Variants in MYO15A observed in about 807,000 individuals in gnomAD.
MYO15A encodes the protein myosin XVA.
A neutral mutation model predicts 394.6 loss-of-function variants in MYO15A; 308 were observed. The observed-to-expected ratio is 0.78, with a 90% CI of 0.71 to 0.86. The LOEUF is 0.86. MYO15A is among the 40% of genes least tolerant of loss of function. The probability of loss-of-function intolerance (pLI) is 0.00; values close to 1 mark genes in which losing one functional copy is unlikely to be tolerated. For missense variants in MYO15A, 4,606 were observed against 4,799.1 expected (o/e 0.96, Z 1.19); for synonymous variants, 1,957 against 2,003.8 (o/e 0.98, Z 0.62).
chr17:18,127,827 A>T (rs1239739922), intron 7 of MYO15A, among the ~76,000 whole-genome samples: 2 of 94,120 alleles, frequency 2.1e-5, no homozygotes, highest in African/African-American at 8.0e-5. Flanking sequence ...GTGGGAAGAA[A>T]AAAAAAGATA....
chr17:18,124,935 G>A, intron 3 of MYO15A: 4 of 607,436 alleles, frequency 6.6e-6, no homozygotes, highest in East Asian at 5.5e-5. Flanking sequence ...ACGTAAGAGT[G>A]TCCCCCAAAC....
At chr17:18,116,196 C>T (rs854815) in intron 1 of MYO15A, among the ~76,000 whole-genome samples, 1 of 152,106 alleles carries the variant, frequency 6.6e-6, no homozygotes, top group Admixed American at 6.5e-5. Context: ...ACTGGAGAGG[C>T]CTTGGTGCCT....
Position 18,135,742 on chromosome 17 carries a change from G to C in MYO15A, c.4514G>C (p.Ser1505Thr). 6.2e-7 allele frequency: 1 copy of C among 1,614,206 alleles called. No homozygotes were observed. Among genetic ancestry groups the C allele is most frequent in the Non-Finnish European group, 8.5e-7 (1 of 1,180,034 alleles). The stretch of plus-strand genomic sequence containing the variant: ...GCACAGGAGGTGGCCTCAGTGGTGA[G>C]TGCCCGAGAGATCCAGGCCGTGGCA... ...TDAQEVASVVSAREIQAVAEL... is the reference protein window; with the variant it reads ...TDAQEVASVVTAREIQAVAEL... Residue 1505 changes from serine to threonine, a missense_variant, in exon 13 of 66, where the codon AGT (serine) becomes ACT (threonine). Transcript: ENST00000647165.
chr17:18,159,563 C>G, intron 54 of MYO15A, 43 bp from the exon 55 acceptor site: 2 of 1,606,808 alleles, frequency 1.2e-6, no homozygotes, highest in Non-Finnish European at 1.7e-6. Flanking sequence ...GGGTGGGCAA[C>G]TGGGGGTTTG....
At chr17:18,142,669 G>C in intron 24 of MYO15A, 87 bp from the exon 25 acceptor site, 4 of 1,177,188 alleles carry the variant, frequency 3.4e-6, no homozygotes, top group Non-Finnish European at 3.8e-6. Context: ...CTGGCTCCCA[G>C]GCCAGGCTGG....
In MYO15A at chr17:18,120,472, G is replaced by A. The variant is rs761888570; in HGVS notation, c.1672G>A (p.Gly558Ser). The change falls in exon 2 of 66, where the codon GGC (glycine) becomes AGC (serine). Residue 558 changes from glycine to serine, a missense_variant. This residue lies in a region of MYO15A where 1,830 missense variants were observed against 1,689.7 expected (regional missense o/e 1.08). Coordinates refer to ENST00000647165, the MANE Select transcript of MYO15A (RefSeq NM_016239.4). ...CGGCGCCCACCGGGGCCTGGGCTTCGGCCCTGAGTTTGGCCGCCCCGTGCC... is the reference window on the plus strand; with the variant it reads ...CGGCGCCCACCGGGGCCTGGGCTTCAGCCCTGAGTTTGGCCGCCCCGTGCC... ...AFGAHRGLGFGPEFGRPVPRP... is the reference protein window; with the variant it reads ...AFGAHRGLGFSPEFGRPVPRP... 2.5e-6 allele frequency: 4 copies of A among 1,574,750 alleles called. No individual in the cohort carries two copies. The highest frequency in any genetic ancestry group is 3.7e-5 in the Admixed American group (2 of 54,756).
At chr17:18,170,428 G>T (rs1026301581) in intron 62 of MYO15A, among the ~76,000 whole-genome samples, 2 of 150,596 alleles carry the variant, frequency 1.3e-5, no homozygotes, top group African/African-American at 4.9e-5. Context: ...ACCCCATCAC[G>T]GCTCACTGCA....
chr17:18,145,831 C>T (rs1454312845), intron 29 of MYO15A, 41 bp from the exon 30 acceptor site: 1 of 1,602,476 alleles, frequency 6.2e-7, no homozygotes. Flanking sequence ...CTGGAAGGAA[C>T]AACTTTCTGA....
chr17:18,158,292 G>A, intron 51 of MYO15A: 1 of 595,844 alleles, frequency 1.7e-6, no homozygotes, highest in South Asian at 2.0e-5. Flanking sequence ...AGTCAACCCC[G>A]GGCAAGGGCG....
At chr17:18,140,015 CCA>C (rs1252469913) in intron 19 of MYO15A, among the ~76,000 whole-genome samples, 1 of 152,198 alleles carries the variant, frequency 6.6e-6, no homozygotes, top group Non-Finnish European at 1.5e-5. Context: ...TCAGTTTCTC[CCA>C]CCCCACCCAT....
chr17:18,144,571 A>G lies in MYO15A; in HGVS notation c.6252A>G (p.Glu2084=). 1 of 1,612,940 alleles carries G rather than the reference A, an allele frequency of 6.2e-7. No homozygotes were observed. Among genetic ancestry groups the G allele is most frequent in the Non-Finnish European group, 8.5e-7 (1 of 1,180,018 alleles). ...AGCTGCCAGCCGAGCACCATGCAGA[A>G]GCCGTGAGCATCTTCAAGCTGGTAT... The part of the protein sequence containing the change: ...LTQLPAEHHA[E]AVSIFKLILR... The change falls in exon 29 of 66, where the codon GAA becomes GAG. Residue 2084 remains glutamate (E), a synonymous_variant. Transcript: ENST00000647165.
At position 18,121,419 on chromosome 17, in the gene MYO15A, G is replaced by T. The variant is rs1267533251; in HGVS notation, c.2619G>T (p.Arg873=). ...CCTCGCGCCTCCCGCACACGTGGCG[G>T]CGCCTCAGCGAGCCACCCACTCGGG... ...NLPSRLPHTW[R]RLSEPPTRAV... is the part of the protein sequence containing the mutation. Residue 873 remains arginine, a synonymous_variant, in exon 2 of 66, where the codon CGG becomes CGT. Coordinates refer to ENST00000647165, the MANE Select transcript of MYO15A (RefSeq NM_016239.4). The surrounding 1 kb of genome is among the most constrained non-coding windows in gnomAD (Gnocchi z 5.3). 2.3e-5 allele frequency: 36 copies of T among 1,542,820 alleles called. No homozygotes were observed. The highest frequency in any genetic ancestry group is 2.8e-5 in the Non-Finnish European group (32 of 1,145,938).
chr17:18,121,760 G>A lies in MYO15A; in HGVS notation c.2960G>A (p.Arg987Lys), dbSNP rs766112741. 6.2e-7 allele frequency: 1 copy of A among 1,607,772 alleles called. No homozygotes were observed. The highest frequency in any genetic ancestry group is 1.1e-5 in the South Asian group (1 of 90,730). The change falls in exon 2 of 66, where the codon AGG (arginine) becomes AAG (lysine). Residue 987 changes from arginine (R) to lysine (K), a missense_variant. Transcript: ENST00000647165. This position sits in a 1 kb window ranked among gnomAD's most constrained non-coding sequence, Gnocchi z 5.3. ...GAGGATCCAGCTGCTGATATGACCA[G>A]GGTCTTCCTGGGCAGACACCATGAG... ...QPEDPAADMT[R>K]VFLGRHHEPG...
At position 18,148,255 on chromosome 17, in the gene MYO15A, A is replaced by G. The variant is rs2046515136; in HGVS notation, c.6691+45A>G. 1 of 1,610,420 alleles carries G rather than the reference A, an allele frequency of 6.2e-7. No homozygotes were observed. Among genetic ancestry groups the G allele is most frequent in the Non-Finnish European group, 8.5e-7 (1 of 1,179,108 alleles). ...CTCAGTGAGGGCAGTGGGAGTCAGC[A>G]GGGCCCAGTGAGCCCCGGGGATGGC... On this transcript the variant is annotated intron_variant, in intron 31 of 65. Coordinates refer to ENST00000647165, the MANE Select transcript of MYO15A (RefSeq NM_016239.4). The surrounding 1 kb of genome is among the most constrained non-coding windows in gnomAD (Gnocchi z 4.8).
intron 33 of MYO15A, 113 bp downstream of exon 33, chr17:18,149,065 C>G (rs2046534264): frequency 6.7e-7 from 1 of 1,482,680 alleles, no homozygotes; most frequent in African/African-American, 1.4e-5. Flanking sequence ...GAGCCCTGAA[C>G]TTAGACTTCA....
At position 18,125,244 on chromosome 17, in the gene MYO15A, G is replaced by C. The variant is rs377472959; in HGVS notation, c.3756+13G>C. ...GAACCTCATCTACGTAAGGCCTGGG[G>C]CTGGCCCTGCCCTGGGCCTAGGTCA... is the stretch of plus-strand genomic sequence containing the variant. On this transcript the variant is annotated intron_variant, in intron 4 of 65. Transcript: ENST00000647165. 9.3e-6 allele frequency: 15 copies of C among 1,613,808 alleles called. No homozygotes were observed. Among genetic ancestry groups the C allele is most frequent in the Non-Finnish European group, 1.3e-5 (15 of 1,179,856 alleles).
Position 18,153,571 on chromosome 17 carries a change from G to A in MYO15A, c.7967-204G>A. ...AAATTAGCCAGGCGTCGTGGCGGGC[G>A]CCTGTAATCCCAGCTACTCAGGAGG... On this transcript the variant is annotated intron_variant, in intron 42 of 65. Coordinates refer to ENST00000647165, the MANE Select transcript of MYO15A (RefSeq NM_016239.4). The surrounding 1 kb of genome is among the most constrained non-coding windows in gnomAD (Gnocchi z 4.1). 3.4e-6 allele frequency: 1 copy of A among 296,274 alleles called. No homozygotes were observed. Among genetic ancestry groups the A allele is most frequent in the South Asian group, 9.0e-5 (1 of 11,072 alleles). 18.4% of individuals were successfully genotyped at this position (296,274 alleles called of 1,614,324 possible).
chr17:18,173,798 C>T lies in MYO15A; in HGVS notation c.10368C>T (p.Phe3456=). ...ACTCCCAGGAATTGATGGTGAAGTTCCCCCTGAAGGAGATCCAGTCGACGC... is the reference window on the plus strand; with the variant it reads ...ACTCCCAGGAATTGATGGTGAAGTTTCCCCTGAAGGAGATCCAGTCGACGC... The part of the protein sequence containing the change: ...STETHELMVK[F]PLKEIQSTRT... Residue 3456 remains phenylalanine (F), a synonymous_variant, in exon 65 of 66, where the codon TTC becomes TTT. Coordinates refer to ENST00000647165, the MANE Select transcript of MYO15A (RefSeq NM_016239.4). 1.9e-6 allele frequency: 3 copies of T among 1,614,010 alleles called. No homozygotes were observed. Among genetic ancestry groups the T allele is most frequent in the Non-Finnish European group, 2.5e-6 (3 of 1,180,036 alleles).
chr17:18,153,994 G>A lies in MYO15A; in HGVS notation c.8088+98G>A, dbSNP rs1229501397. 1.4e-5 allele frequency: 22 copies of A among 1,606,548 alleles called. No individual in the cohort carries two copies. Among genetic ancestry groups the A allele is most frequent in the African/African-American group, 2.7e-5 (2 of 74,776 alleles). ...GTCTAGGACTTGGGGAGGGAGCCCA[G>A]GAGGACAGAAAAAGGCCGGGCTGAA... On this transcript the variant is annotated intron_variant, in intron 43 of 65. Transcript: ENST00000647165. The surrounding 1 kb of genome is among the most constrained non-coding windows in gnomAD (Gnocchi z 4.1).
Sources: allele counts gnomAD v4.1 joint callset (sites outside exome capture counted in the v4.1 genomes callset), GRCh38; gene constraint gnomAD v4.1.1; regional missense constraint gnomAD v4.1.1; non-coding constraint Gnocchi (gnomAD v3.1); transcripts MANE v1.5; gene names NCBI Gene and HGNC (gene_info 2026-07-23, HGNC 2026-07-21).